Variants in CYP7B1 observed in about 807,000 individuals in gnomAD.
CYP7B1 encodes the protein cytochrome P450 7B1.
Under a neutral mutation model 42.7 loss-of-function variants are expected in CYP7B1, and 29 were observed. The observed-to-expected ratio is 0.68, with a 90% CI of 0.51 to 0.93. The LOEUF is 0.93. Ranked by LOEUF, CYP7B1 falls within the 40% of genes least tolerant of loss-of-function variation. The pLI is 0.00. For synonymous variants in CYP7B1, 235 were observed against 218.2 expected, an observed-to-expected ratio of 1.08 and a Z score of -0.68; for missense variants, 655 against 600.5, an observed-to-expected ratio of 1.09 and a Z score of -0.95.
At chr8:64,761,566 T>G (rs910469205) in intron 1 of CYP7B1, among the ~76,000 whole-genome samples, 4 of 152,150 alleles carry the variant, frequency 2.6e-5, no homozygotes, top group African/African-American at 9.7e-5. Context: ...TGTATATATA[T>G]GTAAGTACAG....
chr8:64,712,998 TC>T (rs1305153621), intron 1 of CYP7B1, among the ~76,000 whole-genome samples: 2 of 152,176 alleles, frequency 1.3e-5, no homozygotes, highest in Non-Finnish European at 2.9e-5. Flanking sequence ...ACCTAAATGA[TC>T]TTCTCTCTTG....
chr8:64,655,811 T>G (rs1447619863), intron 1 of CYP7B1, among the ~76,000 whole-genome samples: 1 of 152,190 alleles, frequency 6.6e-6, no homozygotes, highest in Non-Finnish European at 1.5e-5. Context: ...ATATATACCA[T>G]GGAATAGCAT....
At chr8:64,776,318 T>C (rs1467541134) in intron 1 of CYP7B1, among the ~76,000 whole-genome samples, 3 of 152,258 alleles carry the variant, frequency 2.0e-5, no homozygotes, top group Admixed American at 6.5e-5. Flanking sequence ...TTGATAATTA[T>C]CTGTTCTAAA....
intron 1 of CYP7B1, among the ~76,000 whole-genome samples, chr8:64,702,532 A>G (rs1806932606): frequency 6.6e-6 from 1 of 152,060 alleles, no homozygotes; most frequent in Non-Finnish European, 1.5e-5. Flanking sequence ...TGACTTTGAT[A>G]ACACCAGAAA....
chr8:64,603,311 A>G (rs1037177713), intron 5 of CYP7B1, among the ~76,000 whole-genome samples: 3 of 152,196 alleles, frequency 2.0e-5, no homozygotes, highest in African/African-American at 7.2e-5. Context: ...ATTTTTCATC[A>G]TGAGGGTAAG....
intron 1 of CYP7B1, among the ~76,000 whole-genome samples, chr8:64,770,715 C>T (rs750858754): frequency 1.3e-5 from 2 of 152,190 alleles, no homozygotes; most frequent in Non-Finnish European, 2.9e-5. Context: ...ACCAGAGTTA[C>T]ACACATTGGG....
At chr8:64,682,743 C>T (rs548794638) in intron 1 of CYP7B1, among the ~76,000 whole-genome samples, 10 of 152,314 alleles carry the variant, frequency 6.6e-5, no homozygotes, top group African/African-American at 1.7e-4. Context: ...CTTGATACCA[C>T]GGAATACTGG....
At chr8:64,787,927 C>G (rs190818526) in intron 1 of CYP7B1, among the ~76,000 whole-genome samples, 1 of 152,240 alleles carries the variant, frequency 6.6e-6, no homozygotes, top group Admixed American at 6.5e-5. Flanking sequence ...GAAGTGCCAG[C>G]AGGAGAAATA....
intron 1 of CYP7B1, among the ~76,000 whole-genome samples, chr8:64,763,788 T>C (rs958939280): frequency 6.6e-6 from 1 of 152,222 alleles, no homozygotes; most frequent in African/African-American, 2.4e-5. Flanking sequence ...GCTGAGATCA[T>C]GGCATAGCCA....
intron 1 of CYP7B1, among the ~76,000 whole-genome samples, chr8:64,656,943 C>T (rs1443411144): frequency 1.3e-5 from 2 of 152,014 alleles, no homozygotes; most frequent in Non-Finnish European, 2.9e-5. Context: ...AGACTGGTGG[C>T]CTAGGAAGCA....
chr8:64,643,182 CATATAT>C (rs139294788), intron 1 of CYP7B1, among the ~76,000 whole-genome samples: 2 of 139,374 alleles, frequency 1.4e-5, no homozygotes, highest in African/African-American at 2.7e-5. Flanking sequence ...CATATATATA[CATATAT>C]ATATACACAC....
Position 64,596,595 on chromosome 8 carries a change from T to G in CYP7B1, c.*47A>C. 2 of 1,522,718 alleles carry G rather than the reference T, an allele frequency of 1.3e-6. No homozygotes were observed. The highest frequency in any genetic ancestry group is 1.8e-6 in the Non-Finnish European group (2 of 1,109,910). The allele number at this position is 1,522,718 out of a possible 1,614,324, so 94.3% of individuals were successfully genotyped here. A position where few individuals can be genotyped will look rare whatever the true frequency, so the allele number is the denominator to read the frequency against. On this transcript the variant is annotated 3_prime_UTR_variant, in exon 6 of 6. Transcript: ENST00000310193. ...TAAAAAGAAATAGATGAGCTTAGGA[T>G]GTTTAGGGTAATTTTGATAGATTTA...
intron 1 of CYP7B1, among the ~76,000 whole-genome samples, chr8:64,665,817 C>T (rs1337173489): frequency 6.6e-6 from 1 of 151,988 alleles, no homozygotes; most frequent in African/African-American, 2.4e-5. Context: ...TTCAGGTGAT[C>T]CTCCTGCCTT....
At position 64,770,631 on chromosome 8, in the gene CYP7B1, C is replaced by T. The variant is rs554201517; in HGVS notation, c.122+27835G>A. ...CATAATAAACATTAAACAAACAACA[C>T]AAATAAAAACCCAAGGATGAGCTCC... On this transcript the variant is annotated intron_variant, in intron 1 of 5. Transcript: ENST00000310193. Among the ~76,000 whole-genome samples the T allele has an allele frequency of 1.1e-4, 16 of 152,204 alleles. No homozygotes were observed. The South Asian group carries it at 3.3e-3, about 32-fold the overall frequency.
intron 1 of CYP7B1, among the ~76,000 whole-genome samples, chr8:64,744,184 A>G (rs556028172): frequency 5.3e-5 from 8 of 152,232 alleles, no homozygotes; most frequent in African/African-American, 1.4e-4. Context: ...GAGTGTTAGA[A>G]GAATGAAATA....
intron 1 of CYP7B1, among the ~76,000 whole-genome samples, chr8:64,631,501 G>A (rs2129630691): frequency 6.6e-6 from 1 of 152,218 alleles, no homozygotes; most frequent in East Asian, 1.9e-4. Context: ...CCTTAATGTT[G>A]GTCTTGGTAA....
chr8:64,647,778 G>A (rs1025699824), intron 1 of CYP7B1, among the ~76,000 whole-genome samples: 6 of 152,072 alleles, frequency 3.9e-5, no homozygotes, highest in Non-Finnish European at 2.9e-5. Context: ...CCCGCAGTGG[G>A]GAGGGCAGTC....
intron 1 of CYP7B1, among the ~76,000 whole-genome samples, chr8:64,647,528 T>C (rs1486136951): frequency 2.0e-5 from 3 of 152,158 alleles, no homozygotes; most frequent in African/African-American, 4.8e-5. Flanking sequence ...GTTATGAAGG[T>C]TGGTAAGTCT....
Position 64,627,684 on chromosome 8 carries a change from G to A in CYP7B1, c.123-3145C>T, listed in dbSNP as rs1348236739. ...CATTCAGAGTTAGGGAAGCACATTA[G>A]GAAGCTATTTTATTGTTACAAAGAT... On this transcript the variant is annotated intron_variant, in intron 1 of 5. Coordinates refer to ENST00000310193, the MANE Select transcript of CYP7B1 (RefSeq NM_004820.5). Among the ~76,000 whole-genome samples, 3 of 152,142 alleles carry A rather than the reference G, an allele frequency of 2.0e-5. No individual in the cohort carries two copies. The East Asian group carries it at 5.8e-4, about 29-fold the overall frequency.
Sources: allele counts gnomAD v4.1 joint callset (sites outside exome capture counted in the v4.1 genomes callset), GRCh38; gene constraint gnomAD v4.1.1; transcripts MANE v1.5; gene names NCBI Gene and HGNC (gene_info 2026-07-23, HGNC 2026-07-21).